The following ST6GALNAC5 variants were observed in gnomAD, a reference collection of about 807,000 sequenced individuals.
ST6GALNAC5 encodes the protein ST6 N-acetylgalactosaminide alpha-2,6-sialyltransferase 5.
ST6GALNAC5 carries 27 observed loss-of-function variants against 33.6 expected under a neutral mutation model. The ratio of observed to expected loss-of-function variants is 0.80; its 90% CI spans 0.59 to 1.11. ST6GALNAC5 has a LOEUF of 1.11. Among genes scored for constraint, ST6GALNAC5 ranks in the 50% least tolerant of loss-of-function variants. The pLI is 0.00. For synonymous variants in ST6GALNAC5, 194 were observed against 171.2 expected, an observed-to-expected ratio of 1.13 and a Z score of -1.04; for missense variants, 428 against 454.0, an observed-to-expected ratio of 0.94 and a Z score of 0.52.
At chr1:76,904,293 G>A (rs1037652828) in intron 2 of ST6GALNAC5, among the ~76,000 whole-genome samples, 1 of 152,120 alleles carries the variant, frequency 6.6e-6, no homozygotes, top group East Asian at 1.9e-4. Flanking sequence ...CAGTTGAGAA[G>A]AGAAAGGGAA....
At chr1:76,889,063 G>A (rs1005230580) in intron 2 of ST6GALNAC5, among the ~76,000 whole-genome samples, 3 of 151,960 alleles carry the variant, frequency 2.0e-5, no homozygotes, top group Non-Finnish European at 2.9e-5. Flanking sequence ...CATCTTCCCA[G>A]TCACACCCCC....
intron 2 of ST6GALNAC5, among the ~76,000 whole-genome samples, chr1:76,913,626 T>C (rs148915977): frequency 0.036 from 5,535 of 152,194 alleles, 350 homozygotes; most frequent in African/African-American, 0.13. Context: ...TTCTTCTTAT[T>C]CTTTTTTCTC....
intron 2 of ST6GALNAC5, among the ~76,000 whole-genome samples, chr1:76,998,021 TCCTCCCTC>T (rs1342067677): frequency 2.6e-5 from 4 of 152,172 alleles, no homozygotes; most frequent in Non-Finnish European, 5.9e-5. Context: ...TCAGCACTCA[TCCTCCCTC>T]CTGCTGCCCT....
chr1:76,898,277 C>G (rs1240839939), intron 2 of ST6GALNAC5, among the ~76,000 whole-genome samples: 1 of 152,150 alleles, frequency 6.6e-6, no homozygotes, highest in African/African-American at 2.4e-5. Context: ...CCCCTGGCAG[C>G]TGCGGTTCAG....
intron 2 of ST6GALNAC5, among the ~76,000 whole-genome samples, chr1:76,995,781 C>T (rs1570749757): frequency 6.6e-6 from 1 of 152,048 alleles, no homozygotes; most frequent in Admixed American, 6.6e-5. Flanking sequence ...TCCTACCTGA[C>T]ATTTATTTGT....
At chr1:76,964,596 T>A (rs1648379987) in intron 2 of ST6GALNAC5, among the ~76,000 whole-genome samples, 1 of 152,126 alleles carries the variant, frequency 6.6e-6, no homozygotes, top group African/African-American at 2.4e-5. Context: ...ATAAGTAGGA[T>A]AATACAGTAA....
chr1:76,982,688 A>C (rs774360121), intron 2 of ST6GALNAC5, among the ~76,000 whole-genome samples: 2 of 152,096 alleles, frequency 1.3e-5, no homozygotes, highest in Non-Finnish European at 2.9e-5. Flanking sequence ...CCTTAAGAAG[A>C]GCAACCCCAA....
rs143957523 is a variant in ST6GALNAC5 at position 76,876,914 on chromosome 1, G to A, written c.261+8172G>A. ...GGGCTGAGGGAGAGAAGGCAGGGTGGCAAGAATGGAGACCATGGGCATTTG... is the reference window on the plus strand; with the variant it reads ...GGGCTGAGGGAGAGAAGGCAGGGTGACAAGAATGGAGACCATGGGCATTTG... On this transcript the variant is annotated intron_variant, in intron 2 of 4. Transcript: ENST00000477717. Among the ~76,000 whole-genome samples, 141 of 152,290 alleles carry A rather than the reference G, an allele frequency of 9.3e-4. 1 individual carries two copies. The highest frequency in any genetic ancestry group is 1.5e-3 in the Non-Finnish European group (102 of 68,020).
chr1:76,883,486 T>C (rs1441226412), intron 2 of ST6GALNAC5, among the ~76,000 whole-genome samples: 1 of 152,224 alleles, frequency 6.6e-6, no homozygotes, highest in African/African-American at 2.4e-5. Context: ...ATTATAGGAA[T>C]GGACAGAAAT....
chr1:76,967,221 T>C (rs1346158567), intron 2 of ST6GALNAC5, among the ~76,000 whole-genome samples: 1 of 152,212 alleles, frequency 6.6e-6, no homozygotes. Flanking sequence ...TGAATCCGTG[T>C]GGTCCTGGAC....
chr1:77,035,626 A>G (rs891090787), intron 2 of ST6GALNAC5, among the ~76,000 whole-genome samples: 1 of 152,182 alleles, frequency 6.6e-6, no homozygotes, highest in East Asian at 1.9e-4. Context: ...GGCATAGTAG[A>G]TGCAATTGAA....
At position 77,063,763 on chromosome 1, in the gene ST6GALNAC5, G is replaced by A. The variant is rs1484565305; in HGVS notation, c.*557G>A. On this transcript the variant is annotated 3_prime_UTR_variant, in exon 5 of 5. Transcript: ENST00000477717. ...GAGTTTTTTAGTGCAATCTGGGCCA[G>A]TATTTTTATAGATTATGATTATGTG... 6.5e-6 allele frequency: 1 copy of A among 154,658 alleles called. No homozygotes were observed. The highest frequency in any genetic ancestry group is 1.9e-4 in the East Asian group (1 of 5,246). The allele number at this position is 154,658 out of a possible 1,614,324, so 9.6% of individuals were successfully genotyped here. A position where few individuals can be genotyped will look rare whatever the true frequency, so the allele number is the denominator to read the frequency against.
At chr1:76,869,690 T>C (rs1055857189) in intron 2 of ST6GALNAC5, among the ~76,000 whole-genome samples, 11 of 152,334 alleles carry the variant, frequency 7.2e-5, no homozygotes, top group Admixed American at 7.2e-4. Context: ...CAAAGGTCAC[T>C]CTAACCATGC....
intron 2 of ST6GALNAC5, among the ~76,000 whole-genome samples, chr1:76,983,686 A>C (rs1649357314): frequency 6.6e-6 from 1 of 152,102 alleles, no homozygotes; most frequent in African/African-American, 2.4e-5. Context: ...AGAACTCTCC[A>C]CCCCAAATCA....
At chr1:76,977,913 A>G (rs1000553411) in intron 2 of ST6GALNAC5, among the ~76,000 whole-genome samples, 1 of 152,138 alleles carries the variant, frequency 6.6e-6, no homozygotes, top group African/African-American at 2.4e-5. Context: ...CTTTTCCATA[A>G]TGGCTATATT....
chr1:77,062,936 T>G (rs765388180), intron 4 of ST6GALNAC5, 39 bp from the exon 5 acceptor site: 1 of 1,569,126 alleles, frequency 6.4e-7, no homozygotes, highest in Admixed American at 1.7e-5. Context: ...GAAAAAAAAT[T>G]TTTTTGCTTT....
At chr1:77,048,393 C>T (rs1652086356) in intron 3 of ST6GALNAC5, among the ~76,000 whole-genome samples, 1 of 152,178 alleles carries the variant, frequency 6.6e-6, no homozygotes, top group African/African-American at 2.4e-5. Flanking sequence ...CAGATTAGGT[C>T]TAGAACACAT....
chr1:76,903,578 C>T (rs1570656183), intron 2 of ST6GALNAC5, among the ~76,000 whole-genome samples: 1 of 152,114 alleles, frequency 6.6e-6, no homozygotes, highest in Middle Eastern at 3.2e-3. Flanking sequence ...AAAACTTGTA[C>T]ACAAAGGCAT....
chr1:77,046,561 A>G (rs1652015876), intron 3 of ST6GALNAC5, among the ~76,000 whole-genome samples: 1 of 152,182 alleles, frequency 6.6e-6, no homozygotes, highest in African/African-American at 2.4e-5. Flanking sequence ...AGCAGATCAC[A>G]TTGGGGATTC....
Sources: allele counts gnomAD v4.1 joint callset (sites outside exome capture counted in the v4.1 genomes callset), GRCh38; gene constraint gnomAD v4.1.1; transcripts MANE v1.5; gene names NCBI Gene and HGNC (gene_info 2026-07-23, HGNC 2026-07-21).